The following PAM variants were observed in gnomAD, a reference collection of about 807,000 sequenced individuals.
PAM encodes peptidyl-glycine alpha-amidating monooxygenase.
PAM carries 72 observed loss-of-function variants against 122.1 expected under a neutral mutation model. The ratio of observed to expected loss-of-function variants is 0.59; its 90% confidence interval spans 0.49 to 0.72. The LOEUF (loss-of-function observed/expected upper bound fraction) is 0.72, where lower values mean the gene tolerates loss of function less well. PAM is among the 30% of genes least tolerant of loss of function. PAM has a pLI of 0.00. For synonymous variants in PAM, 389 were observed against 404.4 expected (o/e 0.96, Z 0.46); for missense variants, 1,106 against 1,183.7 (o/e 0.93, Z 0.96).
chr5:103,030,760 A>G (rs377204548), downstream of PAM: 1 of 152,344 alleles, frequency 6.6e-6, no homozygotes, highest in African/African-American at 2.4e-5. Context: ...GAATTTAAGA[A>G]AAAAATTGTT....
Position 102,959,903 on chromosome 5 carries a change from T to G in PAM, c.934T>G (p.Leu312Val). 6.2e-7 allele frequency: 1 copy of G among 1,612,486 alleles called. No homozygotes were observed. The highest frequency in any genetic ancestry group is 8.5e-7 in the Non-Finnish European group (1 of 1,178,826). Reference sequence around the variant, plus strand: ...CACGTCTAGTGATGAAATGTGCAACTTATACATTATGTATTACATGGAAGC... The same window carrying G: ...CACGTCTAGTGATGAAATGTGCAACGTATACATTATGTATTACATGGAAGC... ...GGTSSDEMCN[L>V]YIMYYMEAKH... Residue 312 changes from leucine (L) to valine (V), a missense_variant, in exon 13 of 26, where the codon TTA (leucine) becomes GTA (valine). Transcript: ENST00000438793.
At chr5:103,010,983 A>G (rs1450605866) in intron 21 of PAM, among the ~76,000 whole-genome samples, 3 of 152,214 alleles carry the variant, frequency 2.0e-5, no homozygotes, top group African/African-American at 7.2e-5. Context: ...ATTATTATTC[A>G]GTATAGTCAC....
At chr5:102,780,863 C>G (rs1243079002) in intron 1 of PAM, among the ~76,000 whole-genome samples, 1 of 142,232 alleles carries the variant, frequency 7.0e-6, no homozygotes, top group Non-Finnish European at 1.5e-5. Flanking sequence ...CTCTCTCTTT[C>G]TTTCTTTCTC....
chr5:102,787,592 A>ATGCCTAAACTCAAAG (rs1270193058), intron 1 of PAM, among the ~76,000 whole-genome samples: 1 of 151,458 alleles, frequency 6.6e-6, no homozygotes. Context: ...TATGGTCTAA[A>ATGCCTAAACTCAAAG]TGCCTAAACT....
chr5:102,942,751 T>TTTTTTG (rs3074199), intron 7 of PAM, among the ~76,000 whole-genome samples: 3 of 151,422 alleles, frequency 2.0e-5, no homozygotes, highest in African/African-American at 7.3e-5. Context: ...TTTTTTTTTT[T>TTTTTTG]GTAGAAATGC....
chr5:102,934,344 T>C (rs1752567242), intron 7 of PAM, among the ~76,000 whole-genome samples: 1 of 152,174 alleles, frequency 6.6e-6, no homozygotes, highest in African/African-American at 2.4e-5. Flanking sequence ...ACCATAATGT[T>C]AGTTCTTACC....
chr5:102,894,027 A>C lies in PAM; in HGVS notation c.211-7329A>C, dbSNP rs550942690. Among the ~76,000 whole-genome samples, 7 of 151,792 alleles carry C rather than the reference A, an allele frequency of 4.6e-5. No individual in the cohort carries two copies. The South Asian group carries it at 1.5e-3, about 31-fold the overall frequency. ...GCCCTAGTCCCTGTGATCATCACCA[A>C]AGGAACTGGTGGGAAAACTTTGTGG... On this transcript the variant is annotated intron_variant, in intron 3 of 25. Transcript: ENST00000438793.
rs1227874205 is a variant in PAM at position 102,914,435 on chromosome 5, A to G, written c.356+414A>G. Among the ~76,000 whole-genome samples, 3 of 152,060 alleles carry G rather than the reference A, an allele frequency of 2.0e-5. No homozygotes were observed. The East Asian group carries it at 5.8e-4, about 29-fold the overall frequency. ...CATGTTCCCCTGGAATCTAAAATAAAACAGATTCAATATATGTATATTGTT... is the reference window on the plus strand; with the variant it reads ...CATGTTCCCCTGGAATCTAAAATAAGACAGATTCAATATATGTATATTGTT... On this transcript the variant is annotated intron_variant, in intron 5 of 25. Transcript: ENST00000438793.
At chr5:102,973,732 AAG>A (rs1766651501) in intron 14 of PAM, among the ~76,000 whole-genome samples, 1 of 152,150 alleles carries the variant, frequency 6.6e-6, no homozygotes, top group Non-Finnish European at 1.5e-5. Flanking sequence ...GACAACTGCA[AAG>A]AGTTTCTTGT....
intron 16 of PAM, among the ~76,000 whole-genome samples, chr5:103,000,902 C>G (rs380357): frequency 3.3e-4 from 50 of 152,174 alleles, no homozygotes; most frequent in South Asian, 2.9e-3. Context: ...CAAAATAAGA[C>G]TTGAATTTAT....
chr5:102,880,445 G>A (rs901917699), intron 3 of PAM, among the ~76,000 whole-genome samples: 1 of 151,904 alleles, frequency 6.6e-6, no homozygotes, highest in African/African-American at 2.4e-5. Context: ...ACAAATTTTA[G>A]TTGACTATAA....
intron 12 of PAM, 35 bp from the exon 13 acceptor site, chr5:102,959,840 A>G: frequency 6.8e-7 from 1 of 1,476,720 alleles, no homozygotes; most frequent in Non-Finnish European, 9.5e-7. Context: ...TTTTATGTGA[A>G]TAGTTGATTT....
At chr5:102,796,872 A>G (rs1018932934) in intron 1 of PAM, among the ~76,000 whole-genome samples, 4 of 152,314 alleles carry the variant, frequency 2.6e-5, no homozygotes, top group Non-Finnish European at 5.9e-5. Flanking sequence ...GAATGCATTA[A>G]GGTGTGTCTA....
chr5:102,805,064 CT>C (rs527963126), intron 1 of PAM, among the ~76,000 whole-genome samples: 1,805 of 103,538 alleles, frequency 0.017, 2 homozygotes, highest in African/African-American at 0.049. Flanking sequence ...GGGAATTTTC[CT>C]TTTTTTTTTT....
intron 16 of PAM, among the ~76,000 whole-genome samples, chr5:102,998,888 C>G (rs896936642): frequency 6.6e-6 from 1 of 152,110 alleles, no homozygotes; most frequent in Admixed American, 6.6e-5. Flanking sequence ...TGCATTAGTT[C>G]CTTCTCATGC....
chr5:102,904,034 G>A (rs1029013352), intron 4 of PAM, among the ~76,000 whole-genome samples: 1 of 151,566 alleles, frequency 6.6e-6, no homozygotes. Flanking sequence ...ATAGTTATAT[G>A]TTGGGAGAGT....
At chr5:102,879,421 G>A (rs137937318) in intron 3 of PAM, among the ~76,000 whole-genome samples, 116 of 152,282 alleles carry the variant, frequency 7.6e-4, no homozygotes, top group African/African-American at 2.7e-3. Flanking sequence ...TAAGTCTCAT[G>A]TCAAATTGTA....
At chr5:102,779,709 C>T (rs1432798226) in intron 1 of PAM, among the ~76,000 whole-genome samples, 1 of 151,492 alleles carries the variant, frequency 6.6e-6, no homozygotes. Context: ...ACTGGCCTAA[C>T]CTCCCAGCCT....
chr5:103,001,263 A>G (rs1286660691), intron 16 of PAM, among the ~76,000 whole-genome samples: 1 of 152,152 alleles, frequency 6.6e-6, no homozygotes, highest in East Asian at 1.9e-4. Context: ...ACTTTCAGAT[A>G]TAGGATAAAT....
Sources: allele counts gnomAD v4.1 joint callset (sites outside exome capture counted in the v4.1 genomes callset), GRCh38; gene constraint gnomAD v4.1.1; transcripts MANE v1.5; gene names NCBI Gene and HGNC (gene_info 2026-07-23, HGNC 2026-07-21).